The following CTBP2 variants were observed in gnomAD, a reference collection of about 807,000 sequenced individuals.
The protein encoded by CTBP2 is C-terminal binding protein 2, also known as C-terminal-binding protein 2.
In CTBP2, 30 loss-of-function variants were observed where a neutral mutation model predicts 80.3. That is an observed-to-expected ratio of 0.37 (90% confidence interval 0.28 to 0.51). CTBP2 has a LOEUF of 0.51. Among genes scored for constraint, CTBP2 ranks in the 20% least tolerant of loss-of-function variants. The pLI is 0.93. For synonymous variants in CTBP2, 594 were observed against 587.4 expected (o/e 1.01, Z -0.16); for missense variants, 1,212 against 1,375.3 (o/e 0.88, Z 1.88).
At chr10:125,155,123 C>G (rs7071092) in intron 1 of CTBP2, among the ~76,000 whole-genome samples, 6,419 of 152,264 alleles carry the variant, frequency 0.042, 443 homozygotes, top group African/African-American at 0.14. Context: ...AAGCAGATTA[C>G]TGAGAAGAGA....
rs143293537 is a variant in CTBP2, at chr10:125,073,995, C to T, written c.-101-34840G>A. The stretch of plus-strand genomic sequence containing the variant: ...CACCACAGAATGCTGGGGATGTTCT[C>T]AGTACCTGTTCAGCTGTATCTCTCC... On this transcript the variant is annotated intron_variant, in intron 2 of 10. Transcript: ENST00000337195. Among the ~76,000 whole-genome samples the T allele has an allele frequency of 3.4e-4, 52 of 152,282 alleles. No homozygotes were observed. In the East Asian group the frequency reaches 8.9e-3, roughly 26 times the overall value.
intron 2 of CTBP2, among the ~76,000 whole-genome samples, chr10:125,058,389 A>C (rs1402974946): frequency 1.3e-5 from 2 of 152,138 alleles, no homozygotes; most frequent in African/African-American, 4.8e-5. Flanking sequence ...CTAACCATCC[A>C]TTCCTCTCCC....
At chr10:124,997,566 C>A (rs1953792662) in intron 4 of CTBP2, 1 of 224,236 alleles carries the variant, frequency 4.5e-6, no homozygotes, top group Non-Finnish European at 8.9e-6. Context: ...TAACCCGCGT[C>A]TCCACTGAAC....
intron 2 of CTBP2, among the ~76,000 whole-genome samples, chr10:125,089,611 A>G (rs1289414810): frequency 6.6e-6 from 1 of 152,208 alleles, no homozygotes; most frequent in African/African-American, 2.4e-5. Context: ...CACACCCAGA[A>G]GGACCAGCCA....
chr10:125,131,113 A>C (rs1856104406), intron 1 of CTBP2, among the ~76,000 whole-genome samples: 2 of 152,214 alleles, frequency 1.3e-5, no homozygotes, highest in East Asian at 1.9e-4. Context: ...GGGGAGGAGG[A>C]GTCTTCACCT....
chr10:125,115,841 C>T (rs77609338), intron 1 of CTBP2, among the ~76,000 whole-genome samples: 5,157 of 152,196 alleles, frequency 0.034, 103 homozygotes, highest in Middle Eastern at 0.078. Context: ...AGAGGGATTG[C>T]GTAAAGAACC....
intron 2 of CTBP2, among the ~76,000 whole-genome samples, chr10:125,041,998 T>G (rs1959973949): frequency 6.6e-6 from 1 of 150,920 alleles, no homozygotes; most frequent in South Asian, 2.1e-4. Context: ...GGGGGGTCAC[T>G]CTGTTCTGGA....
At chr10:124,990,853 C>T (rs759595888) in intron 8 of CTBP2, among the ~76,000 whole-genome samples, 15 of 152,248 alleles carry the variant, frequency 9.9e-5, no homozygotes, top group African/African-American at 1.4e-4. Flanking sequence ...TGACGGTCTG[C>T]TGCCTGGCCG....
intron 2 of CTBP2, among the ~76,000 whole-genome samples, chr10:125,102,178 T>C (rs1433627317): frequency 6.6e-6 from 1 of 152,200 alleles, no homozygotes; most frequent in Non-Finnish European, 1.5e-5. Context: ...CAGAGGGGCA[T>C]AGTTTGTCCA....
At position 125,138,870 on chromosome 10, in the gene CTBP2, T is replaced by C. The variant is rs112480615; in HGVS notation, c.-206+21449A>G. The stretch of plus-strand genomic sequence containing the variant: ...CCGTCCGTCTCTTCACTCGGCTAAC[T>C]GTGCAAAGGAACCGGCTTCTGATGA... On this transcript the variant is annotated intron_variant, in intron 1 of 10. Coordinates refer to the CTBP2 transcript ENST00000337195. Among the ~76,000 whole-genome samples the C allele has an allele frequency of 9.2e-5, 14 of 152,284 alleles. No homozygotes were observed. In the East Asian group the frequency reaches 9.7e-4, roughly 11 times the overall value.
intron 1 of CTBP2, among the ~76,000 whole-genome samples, chr10:125,114,363 G>C (rs550426817): frequency 1.3e-5 from 2 of 152,168 alleles, no homozygotes; most frequent in Admixed American, 6.5e-5. Context: ...TGATGACAGG[G>C]GGGTGTGTAC....
chr10:125,024,221 T>C (rs1215523187), intron 1 of CTBP2, among the ~76,000 whole-genome samples: 1 of 152,198 alleles, frequency 6.6e-6, no homozygotes, highest in African/African-American at 2.4e-5. Flanking sequence ...CGCCAGCCCC[T>C]GCCCCCTTCC....
At chr10:125,143,255 A>C (rs2008596) in intron 1 of CTBP2, among the ~76,000 whole-genome samples, 3 of 152,078 alleles carry the variant, frequency 2.0e-5, no homozygotes, top group African/African-American at 7.2e-5. Flanking sequence ...TGGGAGGCTG[A>C]GGCAGGCCGA....
chr10:125,039,687 C>T (rs1409628590), intron 2 of CTBP2, among the ~76,000 whole-genome samples: 2 of 152,216 alleles, frequency 1.3e-5, no homozygotes, highest in African/African-American at 4.8e-5. Flanking sequence ...CCTGACTCTA[C>T]CACGTGAGAA....
chr10:125,068,289 T>C (rs34329149), intron 2 of CTBP2, among the ~76,000 whole-genome samples: 54,931 of 152,000 alleles, frequency 0.36, 10,531 homozygotes, highest in Middle Eastern at 0.48. Flanking sequence ...CAATGACCAT[T>C]CCCAAATTCA....
At position 125,026,651 on chromosome 10, in the gene CTBP2, C is replaced by T. The variant is rs749672843; in HGVS notation, c.1109G>A (p.Ser370Asn). 5.7e-6 allele frequency: 9 copies of T among 1,590,528 alleles called. No homozygotes were observed. The highest frequency in any genetic ancestry group is 5.3e-5 in the Admixed American group (3 of 56,170). ...CAGTTCGCTTCGGTGGCTGAAGCTG[C>T]TGGACCGCGCCCGGGGCAGCGGGCC... Residue 370 changes from serine (S) to asparagine (N), a missense_variant, in exon 1 of 9, where the codon AGC becomes AAC. By Grantham distance (46) the Ser-to-Asn change is conservative. Transcript: ENST00000309035.
chr10:124,997,665 G>GA (rs1953810448), intron 4 of CTBP2: 11 of 463,872 alleles, frequency 2.4e-5, no homozygotes, highest in Admixed American at 3.9e-5. Flanking sequence ...CCTGCCCAGG[G>GA]AAATTTACTG....
At chr10:125,142,743 G>A (rs995886925) in intron 1 of CTBP2, among the ~76,000 whole-genome samples, 9 of 152,116 alleles carry the variant, frequency 5.9e-5, no homozygotes, top group African/African-American at 2.2e-4. Context: ...GCAACTGAGG[G>A]GTGGCTGAGC....
At position 125,003,019 on chromosome 10, in the gene CTBP2, A is replaced by G; in HGVS notation, c.1919T>C (p.Val640Ala). The G allele has an allele frequency of 1.2e-6, 2 of 1,613,824 alleles. No homozygotes were observed. Among genetic ancestry groups the G allele is most frequent in the Non-Finnish European group, 1.7e-6 (2 of 1,179,994 alleles). The change falls in exon 3 of 9, where the codon GTG becomes GCG. Residue 640 changes from valine to alanine, a missense_variant. Transcript: ENST00000309035. ...ATAGCCACTGCCTATCCGCACGATC[A>G]CTCTCAGGGCCTTGAACTTCTCCAG...
Sources: allele counts gnomAD v4.1 joint callset (sites outside exome capture counted in the v4.1 genomes callset), GRCh38; gene constraint gnomAD v4.1.1; transcripts MANE v1.5; gene names NCBI Gene and HGNC (gene_info 2026-07-23, HGNC 2026-07-21).